The following AK5 variants were observed in gnomAD, a reference collection of about 807,000 sequenced individuals.
The protein encoded by AK5 is adenylate kinase 5, also known as adenylate kinase isoenzyme 5.
In AK5, 27 loss-of-function variants were observed where a neutral mutation model predicts 69.5. That is an observed-to-expected ratio of 0.39 (90% confidence interval 0.29 to 0.54). The LOEUF (loss-of-function observed/expected upper bound fraction) is 0.54. AK5 is among the 20% of genes least tolerant of loss of function. The probability of loss-of-function intolerance (pLI) is 0.71; values close to 1 mark genes in which losing one functional copy is unlikely to be tolerated. For synonymous variants in AK5, 260 were observed against 244.4 expected (o/e 1.06, Z -0.60); for missense variants, 531 against 700.4 (o/e 0.76, Z 2.73).
intron 6 of AK5, among the ~76,000 whole-genome samples, chr1:77,362,522 T>G (rs1426666852): frequency 6.6e-6 from 1 of 152,276 alleles, no homozygotes; most frequent in East Asian, 1.9e-4. Flanking sequence ...ACTTCCTTAT[T>G]GTATACCAAA....
chr1:77,368,259 T>C (rs1162379962), intron 6 of AK5, among the ~76,000 whole-genome samples: 1 of 109,366 alleles, frequency 9.1e-6, no homozygotes, highest in African/African-American at 3.2e-5. Flanking sequence ...ATATAATATA[T>C]ATGTTATATA....
chr1:77,351,240 A>G (rs1014043420), intron 6 of AK5, among the ~76,000 whole-genome samples: 26 of 151,924 alleles, frequency 1.7e-4, no homozygotes, highest in Admixed American at 1.6e-3. Flanking sequence ...CCAAAAATAC[A>G]AAAAATTAGT....
intron 1 of AK5, chr1:77,283,206 T>C (rs945233351): frequency 2.0e-6 from 2 of 985,338 alleles, no homozygotes; most frequent in Non-Finnish European, 2.4e-6. Context: ...CCACAACCCC[T>C]GTCTCAGGTC....
In AK5 at chr1:77,486,365, C is replaced by A; in HGVS notation, c.1147+13C>A. On this transcript the variant is annotated intron_variant, in intron 10 of 13. Transcript: ENST00000354567. The stretch of plus-strand genomic sequence containing the variant: ...ATTTTCATAATTGGTGAGTAACAGC[C>A]CTTGCATTTTCTAACAATACAATTG... 6.4e-7 allele frequency: 1 copy of A among 1,572,130 alleles called. No homozygotes were observed.
At position 77,437,577 on chromosome 1, in the gene AK5, C is replaced by A. The variant is rs533354807; in HGVS notation, c.1059+19862C>A. Among the ~76,000 whole-genome samples the A allele has an allele frequency of 3.3e-5, 5 of 152,204 alleles. No individual in the cohort carries two copies. The South Asian group carries it at 1.0e-3, about 32-fold the overall frequency. On this transcript the variant is annotated intron_variant, in intron 8 of 13. Transcript: ENST00000354567. Reference sequence around the variant, plus strand: ...TCCACAGCAGTTTGATTTTTAGAAACCTCTTTTTCTCCTTCAAGTTTTAAA... The same window carrying A: ...TCCACAGCAGTTTGATTTTTAGAAAACTCTTTTTCTCCTTCAAGTTTTAAA...
At chr1:77,486,694 C>CA (rs879594150) in intron 10 of AK5, among the ~76,000 whole-genome samples, 363 of 88,536 alleles carry the variant, frequency 4.1e-3, no homozygotes, top group East Asian at 0.012. Context: ...AAGACTCTGT[C>CA]AAAAAAAAAA....
At position 77,484,731 on chromosome 1, in the gene AK5, A is replaced by G. The variant is rs1043279939; in HGVS notation, c.1102+1372A>G. Among the ~76,000 whole-genome samples the G allele has an allele frequency of 5.9e-5, 9 of 152,338 alleles. 1 individual carries two copies. In the East Asian group the frequency reaches 1.5e-3, roughly 26 times the overall value. On this transcript the variant is annotated intron_variant, in intron 9 of 13. Transcript: ENST00000354567. Reference sequence around the variant, plus strand: ...TTAAAACCTTATGACATAAATTATCATGGTTAACATTTTGGTACATTTCAT... The same window carrying G: ...TTAAAACCTTATGACATAAATTATCGTGGTTAACATTTTGGTACATTTCAT...
intron 5 of AK5, among the ~76,000 whole-genome samples, chr1:77,318,834 A>G (rs1042417778): frequency 4.9e-4 from 74 of 152,222 alleles, no homozygotes; most frequent in African/African-American, 1.8e-3. Flanking sequence ...TACAATTTAC[A>G]ATATTTATAT....
chr1:77,503,119 C>G (rs145098006), intron 10 of AK5, among the ~76,000 whole-genome samples: 2 of 152,294 alleles, frequency 1.3e-5, no homozygotes, highest in African/African-American at 4.8e-5. Flanking sequence ...GGCTCTATAT[C>G]TAGTACATAA....
At chr1:77,548,488 G>C (rs2100389891) in intron 13 of AK5, among the ~76,000 whole-genome samples, 1 of 152,326 alleles carries the variant, frequency 6.6e-6, no homozygotes, top group Admixed American at 6.5e-5. Context: ...GCTGTGTCTT[G>C]TTTAACAGGG....
chr1:77,376,017 A>G (rs1002992215), intron 6 of AK5, among the ~76,000 whole-genome samples: 21 of 152,214 alleles, frequency 1.4e-4, no homozygotes, highest in African/African-American at 5.1e-4. Flanking sequence ...TCGTTATTAG[A>G]GATTGGTGTA....
rs536169206 is a variant in AK5, at chr1:77,441,458, C to T, written c.1059+23743C>T. ...CTAGAGTGGCTTTCATAGAAAAAGA[C>T]TCATCTACAGTTGGGTCCTGGTGTG... On this transcript the variant is annotated intron_variant, in intron 8 of 13. Coordinates refer to ENST00000354567, the MANE Select transcript of AK5 (RefSeq NM_174858.3). 4.9e-4 allele frequency among the ~76,000 whole-genome samples: 74 copies of T among 152,252 alleles called. 2 individuals carry two copies. In the South Asian group the frequency reaches 0.01, roughly 21 times the overall value.
At chr1:77,444,221 T>C (rs1293859651) in intron 8 of AK5, among the ~76,000 whole-genome samples, 1 of 111,828 alleles carries the variant, frequency 8.9e-6, no homozygotes, top group African/African-American at 3.1e-5. Context: ...ATACCACTTA[T>C]GTATATATAT....
chr1:77,410,894 G>A (rs1422046568), intron 6 of AK5, 87 bp from the exon 7 acceptor site: 2 of 975,250 alleles, frequency 2.1e-6, no homozygotes, highest in Non-Finnish European at 3.2e-6. Context: ...TAGAGATACA[G>A]TTGTGTGATG....
chr1:77,441,892 G>A (rs1287203423), intron 8 of AK5, among the ~76,000 whole-genome samples: 1 of 152,124 alleles, frequency 6.6e-6, no homozygotes, highest in Non-Finnish European at 1.5e-5. Flanking sequence ...CAGCGTTGGA[G>A]GTAGGTTGTT....
At chr1:77,344,237 ACTT>A (rs1281116346) in intron 6 of AK5, among the ~76,000 whole-genome samples, 12 of 152,206 alleles carry the variant, frequency 7.9e-5, no homozygotes, top group African/African-American at 2.4e-4. Context: ...CATTACATGG[ACTT>A]CTTCATTTTT....
chr1:77,346,708 G>T (rs1021834285), intron 6 of AK5, among the ~76,000 whole-genome samples: 1 of 152,054 alleles, frequency 6.6e-6, no homozygotes, highest in Non-Finnish European at 1.5e-5. Context: ...TTGTCCCTCA[G>T]GCTGGTCTCG....
chr1:77,525,544 C>A (rs959805483), intron 12 of AK5, among the ~76,000 whole-genome samples: 2 of 152,144 alleles, frequency 1.3e-5, no homozygotes, highest in South Asian at 4.1e-4. Context: ...AGGCCCCTGA[C>A]GCTTTTCTAT....
At chr1:77,404,858 C>A (rs1649512352) in intron 6 of AK5, among the ~76,000 whole-genome samples, 2 of 152,174 alleles carry the variant, frequency 1.3e-5, no homozygotes, top group Admixed American at 1.3e-4. Context: ...AGTTATTCAA[C>A]AAATACTTGT....
Sources: allele counts gnomAD v4.1 joint callset (sites outside exome capture counted in the v4.1 genomes callset), GRCh38; gene constraint gnomAD v4.1.1; transcripts MANE v1.5; gene names NCBI Gene and HGNC (gene_info 2026-07-23, HGNC 2026-07-21).